The following FAM184B variants were observed in gnomAD, a reference collection of about 807,000 sequenced individuals.
FAM184B encodes family with sequence similarity 184 member B.
FAM184B carries 111 observed loss-of-function variants against 135.9 expected under a neutral mutation model. The ratio of observed to expected loss-of-function variants is 0.82; its 90% CI spans 0.70 to 0.96. FAM184B has a LOEUF of 0.96. FAM184B is among the 40% of genes least tolerant of loss of function. The pLI, the probability that FAM184B is intolerant of heterozygous loss-of-function variation, is 0.00. For synonymous variants in FAM184B, 552 were observed against 524.8 expected, an observed-to-expected ratio of 1.05 and a Z score of -0.71; for missense variants, 1,375 against 1,323.9, an observed-to-expected ratio of 1.04 and a Z score of -0.60.
chr4:17,662,923 G>A (rs1715952761), intron 8 of FAM184B, among the ~76,000 whole-genome samples: 1 of 152,042 alleles, frequency 6.6e-6, no homozygotes, highest in South Asian at 2.1e-4. Flanking sequence ...GTGCATATGA[G>A]CCACTCACAT....
At chr4:17,765,756 A>G (rs562321459) in intron 1 of FAM184B, among the ~76,000 whole-genome samples, 2 of 152,318 alleles carry the variant, frequency 1.3e-5, no homozygotes, top group African/African-American at 4.8e-5. Context: ...TGAAGAATAA[A>G]GCCACGGACC....
chr4:17,769,597 G>A (rs888855196), intron 1 of FAM184B, among the ~76,000 whole-genome samples: 5 of 152,104 alleles, frequency 3.3e-5, no homozygotes, highest in Non-Finnish European at 5.9e-5. Context: ...ACTTGTCAGC[G>A]CTGGCCAGTT....
chr4:17,744,359 T>G (rs1209399750), intron 1 of FAM184B, among the ~76,000 whole-genome samples: 1 of 151,750 alleles, frequency 6.6e-6, no homozygotes, highest in Non-Finnish European at 1.5e-5. Flanking sequence ...CATTGACCCA[T>G]CTGGGGAAGT....
chr4:17,771,337 A>G (rs1273823697), intron 1 of FAM184B, among the ~76,000 whole-genome samples: 1 of 152,124 alleles, frequency 6.6e-6, no homozygotes, highest in African/African-American at 2.4e-5. Context: ...AGAGACCAGA[A>G]TGGTTATGCA....
rs148448170 is a variant in FAM184B at position 17,685,634 on chromosome 4, C to T, written c.1596+2790G>A. Among the ~76,000 whole-genome samples the T allele has an allele frequency of 6.1e-3, 907 of 149,202 alleles. 6 individuals carry two copies. Among genetic ancestry groups the T allele is most frequent in the African/African-American group, 0.021 (873 of 40,690 alleles). On this transcript the variant is annotated intron_variant, in intron 7 of 17. Transcript: ENST00000265018. ...ATGGTTCCCAACAGGCACTTGTATT[C>T]TGGACTTCTTCAGGACTTGCTTTTT... is the stretch of plus-strand genomic sequence containing the variant.
intron 8 of FAM184B, 80 bp downstream of exon 8, chr4:17,664,482 G>T: frequency 9.0e-7 from 1 of 1,116,202 alleles, no homozygotes; most frequent in Non-Finnish European, 1.3e-6. Flanking sequence ...CTTGAGGATA[G>T]AATGAATGAA....
chr4:17,641,044 C>T (rs1361922197), intron 13 of FAM184B, among the ~76,000 whole-genome samples: 1 of 152,170 alleles, frequency 6.6e-6, no homozygotes, highest in African/African-American at 2.4e-5. Context: ...AGCAATCCCC[C>T]CTCACCAACC....
intron 9 of FAM184B, among the ~76,000 whole-genome samples, chr4:17,659,387 G>T (rs1161339893): frequency 6.6e-6 from 1 of 152,060 alleles, no homozygotes; most frequent in Non-Finnish European, 1.5e-5. Flanking sequence ...GATTACAGGT[G>T]TGAACCACCA....
At position 17,717,793 on chromosome 4, in the gene FAM184B, G is replaced by GA. The variant is rs577134002; in HGVS notation, c.142-8150dup. On this transcript the variant is annotated intron_variant, in intron 1 of 17. Transcript: ENST00000265018. The stretch of plus-strand genomic sequence containing the variant: ...CAGGAATCAGAATTGAAATGAAAAA[G>GA]AAAAAAAAAAGGACATAATATCTGT... Among the ~76,000 whole-genome samples the GA allele has an allele frequency of 1.0e-3, 151 of 144,790 alleles. 1 individual carries two copies. Among genetic ancestry groups the GA allele is most frequent in the African/African-American group, 3.4e-3 (135 of 39,540 alleles). The allele number at this position is 144,790 out of a possible 152,430, so 95.0% of individuals were successfully genotyped here. A position where few individuals can be genotyped will look rare whatever the true frequency, so the allele number is the denominator to read the frequency against.
chr4:17,759,778 G>A (rs550346357), intron 1 of FAM184B, among the ~76,000 whole-genome samples: 1 of 152,234 alleles, frequency 6.6e-6, no homozygotes, highest in South Asian at 2.1e-4. Flanking sequence ...TTACAGGTGT[G>A]AGCCACCACA....
At chr4:17,642,252 T>G (rs1577243194) in intron 12 of FAM184B, 24 bp from the exon 13 acceptor site, 4 of 1,454,908 alleles carry the variant, frequency 2.7e-6, no homozygotes, top group Middle Eastern at 2.3e-4. Context: ...CCAGGAGAGG[T>G]GTTTTCAGGA....
intron 12 of FAM184B, among the ~76,000 whole-genome samples, chr4:17,645,777 A>G (rs534473780): frequency 0.094 from 14,283 of 151,710 alleles, 2,181 homozygotes; most frequent in African/African-American, 0.33. Context: ...AACTACCATC[A>G]GAGTGAACAG....
At chr4:17,660,417 T>C (rs1453707524) in intron 8 of FAM184B, among the ~76,000 whole-genome samples, 1 of 152,118 alleles carries the variant, frequency 6.6e-6, no homozygotes, top group Non-Finnish European at 1.5e-5. Context: ...GTTACTGATA[T>C]GAGGTCTTTG....
intron 1 of FAM184B, among the ~76,000 whole-genome samples, chr4:17,721,665 G>A (rs2108972723): frequency 6.6e-6 from 1 of 152,278 alleles, no homozygotes; most frequent in East Asian, 1.9e-4. Flanking sequence ...GTGGGCAGGG[G>A]TCAGACCCTC....
chr4:17,720,826 C>T (rs1175645689), intron 1 of FAM184B, among the ~76,000 whole-genome samples: 16 of 138,520 alleles, frequency 1.2e-4, no homozygotes, highest in Non-Finnish European at 4.5e-5. Context: ...TTGGAGGTTG[C>T]AGTGAGCTGA....
At chr4:17,639,976 C>A (rs1202229078) in intron 13 of FAM184B, among the ~76,000 whole-genome samples, 4 of 151,694 alleles carry the variant, frequency 2.6e-5, no homozygotes, top group Non-Finnish European at 1.5e-5. Context: ...TTACAGGCGC[C>A]CAGCACCAGG....
chr4:17,740,524 A>G (rs1718010131), intron 1 of FAM184B, among the ~76,000 whole-genome samples: 1 of 151,420 alleles, frequency 6.6e-6, no homozygotes, highest in Non-Finnish European at 1.5e-5. Flanking sequence ...GTTTCACTAT[A>G]GCTTTTAAGA....
intron 1 of FAM184B, among the ~76,000 whole-genome samples, chr4:17,720,883 T>TAAAAAAAAAAAAAAAAAAAA (rs59409749): frequency 1.0e-5 from 1 of 100,330 alleles, no homozygotes; most frequent in Non-Finnish European, 2.0e-5. Flanking sequence ...AGACTTCATC[T>TAAAAAAAAAAAAAAAAAAAA]AAAAAAAAAA....
intron 7 of FAM184B, among the ~76,000 whole-genome samples, chr4:17,672,237 G>A (rs962514706): frequency 8.0e-6 from 1 of 125,090 alleles, no homozygotes; most frequent in Admixed American, 9.2e-5. Context: ...AGAAGGGAAT[G>A]GGATGATACA....
Sources: gnomAD v4.1 joint callset for allele counts (sites outside exome capture counted in the v4.1 genomes callset) on GRCh38, gnomAD v4.1.1 for gene constraint, MANE v1.5 for transcripts, NCBI Gene and HGNC (gene_info 2026-07-23, HGNC 2026-07-21) for gene names.